COX10: variants seen among roughly 807,000 people sequenced by gnomAD.
COX10 encodes the protein cytochrome c oxidase assembly factor heme A:farnesyltransferase COX10.
A neutral mutation model predicts 37.3 loss-of-function variants in COX10; 27 were observed. The observed-to-expected ratio is 0.72, with a 90% CI of 0.53 to 1.00. The LOEUF is 1.00. Among genes scored for constraint, COX10 ranks in the 50% least tolerant of loss-of-function variants. COX10 has a pLI of 0.00. For missense variants in COX10, 475 were observed against 563.2 expected (o/e 0.84, Z 1.59); for synonymous variants, 222 against 229.1 (o/e 0.97, Z 0.28).
intron 4 of COX10, among the ~76,000 whole-genome samples, chr17:14,127,944 TG>T (rs1916382297): frequency 6.6e-6 from 1 of 151,630 alleles, no homozygotes; most frequent in African/African-American, 2.4e-5. Context: ...TGTGTGTGTG[TG>T]TGTGTGTGTG....
intron 3 of COX10, among the ~76,000 whole-genome samples, chr17:14,086,537 C>A (rs1438450235): frequency 6.6e-6 from 1 of 152,072 alleles, no homozygotes; most frequent in Non-Finnish European, 1.5e-5. Flanking sequence ...TTATACAAGT[C>A]TTCTTTTACG....
At chr17:14,172,861 TTTTAA>T (rs1905524827) in intron 5 of COX10, among the ~76,000 whole-genome samples, 1 of 152,104 alleles carries the variant, frequency 6.6e-6, no homozygotes, top group Non-Finnish European at 1.5e-5. Context: ...CTAATTTTGT[TTTTAA>T]TTTTTTTGTA....
In COX10 at chr17:14,074,386, T is replaced by G. The variant is rs1196537003; in HGVS notation, c.107T>G (p.Phe36Cys). 1 of 1,614,018 alleles carries G rather than the reference T, an allele frequency of 6.2e-7. No homozygotes were observed. Among genetic ancestry groups the G allele is most frequent in the East Asian group, 2.2e-5 (1 of 44,866 alleles). The change falls in exon 2 of 7, where the codon TTC (phenylalanine) becomes TGC (cysteine). Residue 36 changes from phenylalanine (F) to cysteine (C), a missense_variant. Coordinates refer to ENST00000261643, the MANE Select transcript of COX10 (RefSeq NM_001303.4). ...ACTATACAGGACTCCCCTCACAAGT[T>G]CTTACATCTTCTCAGGAATGTCAAT... is the stretch of plus-strand genomic sequence containing the variant. Reference protein sequence around the residue: ...RRTIQDSPHKFLHLLRNVNKQ... With the variant: ...RRTIQDSPHKCLHLLRNVNKQ...
At chr17:14,204,029 C>A (rs954932363) in intron 6 of COX10, among the ~76,000 whole-genome samples, 1 of 152,052 alleles carries the variant, frequency 6.6e-6, no homozygotes, top group Non-Finnish European at 1.5e-5. Flanking sequence ...GGTTCCCAAG[C>A]CGGTGTTGGG....
intron 5 of COX10, among the ~76,000 whole-genome samples, chr17:14,172,578 C>CTTTTTTTTTTTTTTT (rs57560461): frequency 1.9e-5 from 2 of 105,614 alleles, no homozygotes; most frequent in Non-Finnish European, 3.9e-5. Flanking sequence ...TTTTCTTTTT[C>CTTTTTTTTTTTTTTT]TTTTTTTTTT....
intron 4 of COX10, among the ~76,000 whole-genome samples, chr17:14,132,941 C>G (rs1386799721): frequency 6.6e-6 from 1 of 151,578 alleles, no homozygotes; most frequent in Non-Finnish European, 1.5e-5. Context: ...ATTTTCAGTT[C>G]ATTTTAGATT....
At chr17:14,175,338 G>A (rs1245051028) in intron 5 of COX10, among the ~76,000 whole-genome samples, 1 of 151,734 alleles carries the variant, frequency 6.6e-6, no homozygotes, top group Non-Finnish European at 1.5e-5. Flanking sequence ...TAGAACATAA[G>A]ATTTTGGGGT....
intron 3 of COX10, among the ~76,000 whole-genome samples, chr17:14,085,716 TCTGA>T (rs1193452143): frequency 2.6e-5 from 4 of 152,152 alleles, no homozygotes; most frequent in African/African-American, 9.7e-5. Context: ...ATAATGATTT[TCTGA>T]GGATAAATGT....
chr17:14,072,301 A>T (rs778817869), intron 1 of COX10, among the ~76,000 whole-genome samples: 2 of 151,830 alleles, frequency 1.3e-5, no homozygotes, highest in Non-Finnish European at 2.9e-5. Flanking sequence ...GCTCACTGCA[A>T]CCTCCACCTC....
At chr17:14,116,788 CCTCT>C (rs1409366782) in intron 4 of COX10, among the ~76,000 whole-genome samples, 1 of 152,112 alleles carries the variant, frequency 6.6e-6, no homozygotes, top group Non-Finnish European at 1.5e-5. Flanking sequence ...GTTGTAATAA[CCTCT>C]CTATCACTAT....
chr17:14,122,143 A>G (rs1916242839), intron 4 of COX10, among the ~76,000 whole-genome samples: 1 of 152,182 alleles, frequency 6.6e-6, no homozygotes, highest in Non-Finnish European at 1.5e-5. Flanking sequence ...CAGCAACTAC[A>G]GGAAACAGGA....
chr17:14,157,589 C>A (rs1190101508), intron 4 of COX10, among the ~76,000 whole-genome samples: 1 of 152,094 alleles, frequency 6.6e-6, no homozygotes, highest in Non-Finnish European at 1.5e-5. Flanking sequence ...ATGCTGCAGT[C>A]GATAAAAACT....
chr17:14,078,024 A>G (rs1343186188), intron 3 of COX10, among the ~76,000 whole-genome samples: 1 of 151,708 alleles, frequency 6.6e-6, no homozygotes, highest in African/African-American at 2.4e-5. Flanking sequence ...TTACTTAAAG[A>G]AAGTTGTTTT....
At position 14,069,513 on chromosome 17, in the gene COX10, AC is replaced by A; in HGVS notation, c.-92del. The A allele has an allele frequency of 6.6e-7, 1 of 1,504,192 alleles. No homozygotes were observed. Among genetic ancestry groups the A allele is most frequent in the Non-Finnish European group, 9.2e-7 (1 of 1,089,686 alleles). The allele number at this position is 1,504,192 out of a possible 1,614,324, so 93.2% of individuals were successfully genotyped here. On this transcript the variant is annotated 5_prime_UTR_variant, in exon 1 of 7. Coordinates refer to ENST00000261643, the MANE Select transcript of COX10 (RefSeq NM_001303.4). Reference sequence around the variant, plus strand: ...GAAGTGGCGGCCCGGAACTACTCCCACAGGGGGGCGGGGAAGGAAGATGGCG... The same window carrying A: ...GAAGTGGCGGCCCGGAACTACTCCCAAGGGGGGCGGGGAAGGAAGATGGCG...
intron 4 of COX10, among the ~76,000 whole-genome samples, chr17:14,144,254 G>A (rs1904643062): frequency 6.6e-6 from 1 of 151,970 alleles, no homozygotes; most frequent in Admixed American, 6.6e-5. Flanking sequence ...AAATGTTCAT[G>A]TTCTGTTTGT....
At chr17:14,202,783 T>G (rs900533129) in intron 6 of COX10, among the ~76,000 whole-genome samples, 1 of 145,244 alleles carries the variant, frequency 6.9e-6, no homozygotes, top group South Asian at 2.3e-4. Flanking sequence ...TGGGGGAAGA[T>G]CCCACTCCTT....
At chr17:14,146,874 C>A (rs1380538413) in intron 4 of COX10, among the ~76,000 whole-genome samples, 1 of 152,110 alleles carries the variant, frequency 6.6e-6, no homozygotes, top group East Asian at 1.9e-4. Flanking sequence ...ATACAAATGG[C>A]AGACAGGCAT....
intron 6 of COX10, among the ~76,000 whole-genome samples, chr17:14,205,575 G>T (rs140768792): frequency 1.3e-5 from 2 of 151,986 alleles, no homozygotes; most frequent in African/African-American, 2.4e-5. Flanking sequence ...CATAGTAGGC[G>T]CCCGGGGAGC....
chr17:14,161,379 T>C (rs1251352253), intron 5 of COX10, among the ~76,000 whole-genome samples: 2 of 152,218 alleles, frequency 1.3e-5, no homozygotes, highest in Non-Finnish European at 2.9e-5. Context: ...GGTGGAACTA[T>C]CACTTTAATC....
Sources: gnomAD v4.1 joint callset for allele counts (sites outside exome capture counted in the v4.1 genomes callset) on GRCh38, gnomAD v4.1.1 for gene constraint, MANE v1.5 for transcripts, NCBI Gene and HGNC (gene_info 2026-07-23, HGNC 2026-07-21) for gene names.